The following STXBP6 variants were observed in gnomAD, a reference collection of about 807,000 sequenced individuals.
STXBP6 encodes the protein syntaxin binding protein 6.
In STXBP6, 21 loss-of-function variants were observed where a neutral mutation model predicts 26.9. That is an observed-to-expected ratio of 0.78 (90% CI 0.55 to 1.12). STXBP6 has a LOEUF of 1.12. Among genes scored for constraint, STXBP6 ranks in the 50% most tolerant of loss-of-function variants. The pLI, the probability that STXBP6 is intolerant of heterozygous loss-of-function variation, is 0.00. For synonymous variants in STXBP6, 97 were observed against 92.6 expected, an observed-to-expected ratio of 1.05 and a Z score of -0.27; for missense variants, 232 against 257.9, an observed-to-expected ratio of 0.90 and a Z score of 0.69.
intron 4 of STXBP6, among the ~76,000 whole-genome samples, chr14:24,844,307 A>C (rs573572351): frequency 2.6e-4 from 39 of 152,174 alleles, no homozygotes; most frequent in Non-Finnish European, 3.5e-4. Context: ...ACACCTGTAC[A>C]TGTAAGTAAA....
chr14:25,004,231 G>A lies in STXBP6; in HGVS notation c.-32-29381C>T, dbSNP rs1427348288. ...ATCTGCTGAAACTACAACTAAAACG[G>A]CTGAGTAGGATTTTCTCAGGCTACA... On this transcript the variant is annotated intron_variant, in intron 1 of 5. Coordinates refer to ENST00000323944, the MANE Select transcript of STXBP6 (RefSeq NM_001394410.1). Among the ~76,000 whole-genome samples, 4 of 152,176 alleles carry A rather than the reference G, an allele frequency of 2.6e-5. No individual in the cohort carries two copies. The East Asian group carries it at 7.7e-4, about 29-fold the overall frequency.
intron 5 of STXBP6, among the ~76,000 whole-genome samples, chr14:24,813,027 GA>G (rs1253832972): frequency 3.3e-5 from 5 of 152,084 alleles, no homozygotes; most frequent in African/African-American, 9.7e-5. Flanking sequence ...AGGAACAAAT[GA>G]AAAAACCAAT....
intron 4 of STXBP6, among the ~76,000 whole-genome samples, chr14:24,839,924 C>G (rs2068738397): frequency 6.6e-6 from 1 of 152,214 alleles, no homozygotes; most frequent in South Asian, 2.1e-4. Context: ...CAAGTCAGTT[C>G]TCAGCCCTGA....
intron 1 of STXBP6, among the ~76,000 whole-genome samples, chr14:25,018,744 G>GA (rs1566566008): frequency 6.6e-6 from 1 of 152,220 alleles, no homozygotes; most frequent in Non-Finnish European, 1.5e-5. Flanking sequence ...CACTGTAGAT[G>GA]CTGAAGTCTG....
intron 2 of STXBP6, among the ~76,000 whole-genome samples, chr14:24,949,407 T>A (rs2073092350): frequency 6.6e-6 from 1 of 152,136 alleles, no homozygotes; most frequent in Non-Finnish European, 1.5e-5. Context: ...GGAAAGTGGG[T>A]ACTTGAGTTA....
chr14:25,003,461 G>A (rs1840876772), intron 1 of STXBP6, among the ~76,000 whole-genome samples: 1 of 152,180 alleles, frequency 6.6e-6, no homozygotes, highest in Admixed American at 6.5e-5. Context: ...CAAATTATGG[G>A]TGTGCATGCA....
At chr14:25,014,409 G>A (rs1216548153) in intron 1 of STXBP6, among the ~76,000 whole-genome samples, 1 of 152,186 alleles carries the variant, frequency 6.6e-6, no homozygotes, top group Admixed American at 6.5e-5. Context: ...AGGTTGCAAT[G>A]AGCCAAGATC....
intron 2 of STXBP6, among the ~76,000 whole-genome samples, chr14:24,961,976 T>C (rs1252318947): frequency 6.6e-6 from 1 of 152,152 alleles, no homozygotes; most frequent in Non-Finnish European, 1.5e-5. Flanking sequence ...CTAACACTAA[T>C]ATATTAGAAG....
intron 4 of STXBP6, among the ~76,000 whole-genome samples, chr14:24,844,797 G>A (rs1030955551): frequency 6.6e-6 from 1 of 152,138 alleles, no homozygotes; most frequent in Non-Finnish European, 1.5e-5. Context: ...CAGTGAATGT[G>A]AACTTGTCTG....
At chr14:24,961,774 C>A (rs1292117837) in intron 2 of STXBP6, among the ~76,000 whole-genome samples, 2 of 151,770 alleles carry the variant, frequency 1.3e-5, no homozygotes, top group Non-Finnish European at 1.5e-5. Context: ...CAAACCTGCA[C>A]GTGTACCCTG....
At chr14:24,831,497 G>A (rs139640253) in intron 4 of STXBP6, among the ~76,000 whole-genome samples, 1 of 152,244 alleles carries the variant, frequency 6.6e-6, no homozygotes, top group African/African-American at 2.4e-5. Flanking sequence ...GTGAGTGCTT[G>A]CCAAGGAGAA....
chr14:24,869,664 A>G (rs1475418964), intron 2 of STXBP6, among the ~76,000 whole-genome samples: 1 of 152,166 alleles, frequency 6.6e-6, no homozygotes, highest in Non-Finnish European at 1.5e-5. Flanking sequence ...GATGAGCCAC[A>G]ACTGTCAAAA....
At chr14:24,838,271 A>C (rs1157590979) in intron 4 of STXBP6, among the ~76,000 whole-genome samples, 3 of 152,316 alleles carry the variant, frequency 2.0e-5, no homozygotes, top group Non-Finnish European at 4.4e-5. Flanking sequence ...TCGGCCTCCC[A>C]AAATGCTGGG....
rs181036218 is a variant in STXBP6, at chr14:25,028,141, A to C, written c.-33+21737T>G. ...GATGATCTAGCTAAGATAACTGATTAAGGTTATCAGTTACCATTAAGGTTA... is the reference window on the plus strand; with the variant it reads ...GATGATCTAGCTAAGATAACTGATTCAGGTTATCAGTTACCATTAAGGTTA... On this transcript the variant is annotated intron_variant, in intron 1 of 5. Coordinates refer to ENST00000323944, the MANE Select transcript of STXBP6 (RefSeq NM_001394410.1). 2.0e-5 allele frequency among the ~76,000 whole-genome samples: 3 copies of C among 152,360 alleles called. No homozygotes were observed. The East Asian group carries it at 5.8e-4, about 29-fold the overall frequency.
rs72223372 is a variant in STXBP6 at position 24,968,170 on chromosome 14, A to AATATATATATAT, written c.154+6483_154+6494dup. Among the ~76,000 whole-genome samples the AATATATATATAT allele has an allele frequency of 4.1e-3, 586 of 144,320 alleles. 7 individuals are homozygous for AATATATATATAT. Among genetic ancestry groups the AATATATATATAT allele is most frequent in the African/African-American group, 0.014 (554 of 39,342 alleles). 94.7% of individuals were successfully genotyped at this position (144,320 alleles called of 152,430 possible). A position where few individuals can be genotyped will look rare whatever the true frequency, so the allele number is the denominator to read the frequency against. ...AATATTCACTATTTATATAATAAAGAATATATATATATATATATATAAAAT... is the reference window on the plus strand; with the variant it reads ...AATATTCACTATTTATATAATAAAGAATATATATATATATATATATATATATATATATAAAAT... On this transcript the variant is annotated intron_variant, in intron 2 of 5. Transcript: ENST00000323944.
chr14:24,869,680 T>G (rs186914242), intron 2 of STXBP6, among the ~76,000 whole-genome samples: 1 of 152,156 alleles, frequency 6.6e-6, no homozygotes, highest in Non-Finnish European at 1.5e-5. Context: ...CAAAACGCTC[T>G]TCTCAAAACT....
intron 2 of STXBP6, among the ~76,000 whole-genome samples, chr14:24,896,945 G>T (rs2073059470): frequency 6.6e-6 from 1 of 152,120 alleles, no homozygotes; most frequent in Non-Finnish European, 1.5e-5. Context: ...AGAGAGGAAG[G>T]CTGTACCACT....
intron 1 of STXBP6, among the ~76,000 whole-genome samples, chr14:24,977,914 G>A (rs1438613932): frequency 6.6e-6 from 1 of 152,170 alleles, no homozygotes; most frequent in African/African-American, 2.4e-5. Flanking sequence ...CAAGGATAAG[G>A]AATTTATAGG....
chr14:25,027,535 C>A (rs576460210), intron 1 of STXBP6, among the ~76,000 whole-genome samples: 1 of 152,288 alleles, frequency 6.6e-6, no homozygotes, highest in Admixed American at 6.5e-5. Flanking sequence ...ATTCTAGCTG[C>A]TCCTCCCACC....
Sources: gnomAD v4.1 joint callset for allele counts (sites outside exome capture counted in the v4.1 genomes callset) on GRCh38, gnomAD v4.1.1 for gene constraint, MANE v1.5 for transcripts, NCBI Gene and HGNC (gene_info 2026-07-23, HGNC 2026-07-21) for gene names.